SLC9A9: variants seen among roughly 807,000 people sequenced by gnomAD.
The protein encoded by SLC9A9 is sodium/hydrogen exchanger 9.
In SLC9A9, 62 loss-of-function variants were observed where a neutral mutation model predicts 77.8. That is an observed-to-expected ratio of 0.80 (90% CI 0.65 to 0.98). SLC9A9 has a LOEUF of 0.98. Ranked by LOEUF, SLC9A9 falls within the 50% of genes least tolerant of loss-of-function variation. SLC9A9 has a pLI of 0.00. For missense variants in SLC9A9, 775 were observed against 774.9 expected (o/e 1.00, Z 0.00); for synonymous variants, 320 against 283.5 (o/e 1.13, Z -1.29).
intron 9 of SLC9A9, among the ~76,000 whole-genome samples, chr3:143,496,831 T>C (rs370058365): frequency 2.2e-4 from 33 of 152,224 alleles, no homozygotes; most frequent in Non-Finnish European, 4.0e-4. Flanking sequence ...ATATACTGAA[T>C]GGCTTAAACA....
intron 3 of SLC9A9, among the ~76,000 whole-genome samples, chr3:143,796,063 G>A (rs1368044398): frequency 6.6e-6 from 1 of 152,178 alleles, no homozygotes; most frequent in Non-Finnish European, 1.5e-5. Flanking sequence ...AGCAGCAGAA[G>A]AGCAGCCACA....
At chr3:143,758,544 A>G (rs1231959814) in intron 4 of SLC9A9, among the ~76,000 whole-genome samples, 3 of 152,152 alleles carry the variant, frequency 2.0e-5, no homozygotes, top group Non-Finnish European at 4.4e-5. Flanking sequence ...GAAGCTGTTT[A>G]GAGATAAAGT....
intron 4 of SLC9A9, among the ~76,000 whole-genome samples, chr3:143,694,834 C>A (rs1341701799): frequency 6.6e-6 from 1 of 152,122 alleles, no homozygotes; most frequent in African/African-American, 2.4e-5. Context: ...CAAAAGACAG[C>A]AATGAAGTAT....
chr3:143,711,055 T>C (rs1934130687), intron 4 of SLC9A9, among the ~76,000 whole-genome samples: 1 of 152,230 alleles, frequency 6.6e-6, no homozygotes, highest in South Asian at 2.1e-4. Flanking sequence ...TATGTTATTA[T>C]TAGTGACAAG....
At chr3:143,553,297 C>T (rs2036924378) in intron 8 of SLC9A9, among the ~76,000 whole-genome samples, 1 of 151,832 alleles carries the variant, frequency 6.6e-6, no homozygotes, top group Non-Finnish European at 1.5e-5. Context: ...GTGTTATTGT[C>T]CCTGGGCTGG....
At chr3:143,372,148 A>T in intron 13 of SLC9A9, 1 of 203,616 alleles carries the variant, frequency 4.9e-6, no homozygotes, top group South Asian at 6.2e-5. Context: ...TGCCTAAAGC[A>T]GTCTATAGAT....
chr3:143,418,546 G>A (rs1057119959), intron 12 of SLC9A9, among the ~76,000 whole-genome samples: 4 of 152,140 alleles, frequency 2.6e-5, no homozygotes, highest in African/African-American at 4.8e-5. Flanking sequence ...GGTGGCAGGC[G>A]AGGGGTGGAA....
chr3:143,501,955 T>C (rs964342349), intron 9 of SLC9A9, among the ~76,000 whole-genome samples: 1 of 150,752 alleles, frequency 6.6e-6, no homozygotes, highest in Non-Finnish European at 1.5e-5. Flanking sequence ...GAGTACGCAA[T>C]CACTGAGGGA....
intron 6 of SLC9A9, among the ~76,000 whole-genome samples, chr3:143,647,000 CTATT>C (rs906658499): frequency 6.6e-6 from 1 of 152,016 alleles, no homozygotes; most frequent in Non-Finnish European, 1.5e-5. Flanking sequence ...TGTTTATTAA[CTATT>C]TATATCATTT....
At chr3:143,813,977 G>A (rs1195947650) in intron 2 of SLC9A9, among the ~76,000 whole-genome samples, 2 of 152,202 alleles carry the variant, frequency 1.3e-5, no homozygotes, top group Non-Finnish European at 2.9e-5. Context: ...GAATGAAGGT[G>A]GTTGCGATAG....
intron 6 of SLC9A9, among the ~76,000 whole-genome samples, chr3:143,617,191 C>G (rs191734668): frequency 5.3e-4 from 81 of 152,294 alleles, no homozygotes; most frequent in Non-Finnish European, 7.2e-4. Flanking sequence ...AGAGAAGTAT[C>G]AGATATCTTA....
In SLC9A9 at chr3:143,795,545, T is replaced by A. The variant is rs530287104; in HGVS notation, c.457-468A>T. Reference sequence around the variant, plus strand: ...CTGGATGTCTGACTTCTCTTTTATATCTTCTGAATGTGATGAAAATAAACT... The same window carrying A: ...CTGGATGTCTGACTTCTCTTTTATAACTTCTGAATGTGATGAAAATAAACT... On this transcript the variant is annotated intron_variant, in intron 3 of 15. Transcript: ENST00000316549. 6.6e-5 allele frequency among the ~76,000 whole-genome samples: 10 copies of A among 152,338 alleles called. No homozygotes were observed. The East Asian group carries it at 1.9e-3, about 29-fold the overall frequency.
intron 14 of SLC9A9, among the ~76,000 whole-genome samples, chr3:143,337,868 T>C (rs2031975456): frequency 6.6e-6 from 1 of 152,220 alleles, no homozygotes; most frequent in Non-Finnish European, 1.5e-5. Flanking sequence ...GAAGAGCATC[T>C]GCCTGGGTTC....
intron 14 of SLC9A9, among the ~76,000 whole-genome samples, chr3:143,352,175 A>T (rs2032473348): frequency 6.6e-6 from 1 of 152,236 alleles, no homozygotes; most frequent in South Asian, 2.1e-4. Flanking sequence ...ATGAACCAGT[A>T]GAAGGAACGG....
intron 12 of SLC9A9, among the ~76,000 whole-genome samples, chr3:143,460,237 G>T (rs900285086): frequency 6.6e-6 from 1 of 152,034 alleles, no homozygotes; most frequent in Non-Finnish European, 1.5e-5. Context: ...TTTATTCCCC[G>T]AATATGTCTG....
intron 13 of SLC9A9, among the ~76,000 whole-genome samples, chr3:143,378,230 G>T (rs1232994543): frequency 6.6e-6 from 1 of 152,168 alleles, no homozygotes; most frequent in African/African-American, 2.4e-5. Flanking sequence ...TCACATCTAC[G>T]TTAGTGCCGT....
chr3:143,472,527 G>A (rs2035395875), intron 11 of SLC9A9, among the ~76,000 whole-genome samples: 1 of 152,092 alleles, frequency 6.6e-6, no homozygotes, highest in South Asian at 2.1e-4. Flanking sequence ...GAGCTCAAAT[G>A]AGACACTGTT....
chr3:143,534,536 T>C (rs2036561020), intron 9 of SLC9A9, among the ~76,000 whole-genome samples: 1 of 152,082 alleles, frequency 6.6e-6, no homozygotes, highest in Non-Finnish European at 1.5e-5. Context: ...TGGATACAGA[T>C]GGTGGGATTT....
chr3:143,403,389 G>C (rs2033905287), intron 12 of SLC9A9, among the ~76,000 whole-genome samples: 1 of 151,552 alleles, frequency 6.6e-6, no homozygotes, highest in South Asian at 2.1e-4. Flanking sequence ...AAAAAGAAAG[G>C]AGATACAATA....
Sources: allele counts gnomAD v4.1 joint callset (sites outside exome capture counted in the v4.1 genomes callset), GRCh38; gene constraint gnomAD v4.1.1; transcripts MANE v1.5; gene names NCBI Gene and HGNC (gene_info 2026-07-23, HGNC 2026-07-21).